The following FGF13 variants were observed in gnomAD, a reference collection of about 807,000 sequenced individuals.
FGF13 encodes fibroblast growth factor homologous factor 2.
FGF13 carries 2 observed loss-of-function variants against 19.5 expected under a neutral mutation model. The ratio of observed to expected loss-of-function variants is 0.10; its 90% CI spans 0.04 to 0.32. FGF13 has a LOEUF of 0.32. Among genes scored for constraint, FGF13 ranks in the 10% least tolerant of loss-of-function variants. FGF13 has a pLI of 1.00. For synonymous variants in FGF13, 72 were observed against 76.9 expected, an observed-to-expected ratio of 0.94 and a Z score of 0.33; for missense variants, 113 against 192.7, an observed-to-expected ratio of 0.59 and a Z score of 2.45.
chrX:139,075,802 G>A (rs773738312), intron 1 of FGF13, among the ~76,000 whole-genome samples: 22 of 104,219 alleles, frequency 2.1e-4, no homozygotes, highest in South Asian at 1.4e-3. Context: ...ATAGCAAATT[G>A]TGTGTATGTG....
At chrX:139,126,590 G>C (rs1234153358) in intron 1 of FGF13, among the ~76,000 whole-genome samples, 2 of 111,419 alleles carry the variant, frequency 1.8e-5, no homozygotes, top group Admixed American at 1.9e-4. Context: ...TGGCTGGCCT[G>C]TATTTTTAAT....
chrX:138,719,633 A>G (rs186744484), intron 1 of FGF13, among the ~76,000 whole-genome samples: 2 of 112,161 alleles, frequency 1.8e-5, no homozygotes, highest in Admixed American at 1.9e-4. Flanking sequence ...TTTTTGTGCC[A>G]TCTGTTTTTA....
At chrX:138,799,745 T>C (rs897240282) in intron 3 of FGF13, among the ~76,000 whole-genome samples, 5 of 111,537 alleles carry the variant, frequency 4.5e-5, no homozygotes, top group African/African-American at 1.6e-4. Flanking sequence ...GGTGTGTATA[T>C]ATGCATATAT....
intron 2 of FGF13, among the ~76,000 whole-genome samples, chrX:138,860,948 C>G (rs991719218): frequency 8.9e-6 from 1 of 112,600 alleles, no homozygotes; most frequent in Non-Finnish European, 1.9e-5. Context: ...CACAAGTGCA[C>G]ATGTGCAAAT....
At chrX:139,122,516 T>A (rs2083684671) in intron 1 of FGF13, among the ~76,000 whole-genome samples, 1 of 111,859 alleles carries the variant, frequency 8.9e-6, no homozygotes, top group South Asian at 3.8e-4. Context: ...CTCATCTTAT[T>A]CAACCTTTCT....
intron 1 of FGF13, among the ~76,000 whole-genome samples, chrX:138,952,102 A>G (rs1231789704): frequency 9.0e-6 from 1 of 111,564 alleles, no homozygotes; most frequent in Non-Finnish European, 1.9e-5. Flanking sequence ...GGAACCAAAA[A>G]AGAGCCCGCA....
chrX:138,921,223 A>C (rs2091643164), intron 1 of FGF13, among the ~76,000 whole-genome samples: 1 of 111,479 alleles, frequency 9.0e-6, no homozygotes, highest in Admixed American at 9.6e-5. Flanking sequence ...CATTTTTTTC[A>C]CAAAAGTTCC....
intron 1 of FGF13, among the ~76,000 whole-genome samples, chrX:138,901,704 G>C (rs750379670): frequency 9.0e-6 from 1 of 111,574 alleles, no homozygotes; most frequent in Non-Finnish European, 1.9e-5. Flanking sequence ...TGGGGACTGA[G>C]ATATCTCCAT....
intron 4 of FGF13, among the ~76,000 whole-genome samples, chrX:138,635,110 G>A (rs1047376372): frequency 8.9e-6 from 1 of 112,173 alleles, no homozygotes; most frequent in Admixed American, 9.5e-5. Flanking sequence ...GGATGGAGCT[G>A]GACGCCATTA....
In FGF13 at chrX:139,082,397, G is replaced by A. The variant is rs2083376597; in HGVS notation, c.-113+121019C>T. On this transcript the variant is annotated intron_variant, in intron 1 of 2. Coordinates refer to the FGF13 transcript ENST00000421460. ...CCCTCCACCCAAACTTCATGTCCAC[G>A]TAGAACATCAGAATGTGATCTTATT... 1.8e-5 allele frequency among the ~76,000 whole-genome samples: 2 copies of A among 111,569 alleles called. 1 individual carries two copies. Among genetic ancestry groups the A allele is most frequent in the Non-Finnish European group, 3.8e-5 (2 of 53,148 alleles).
intron 1 of FGF13, among the ~76,000 whole-genome samples, chrX:138,963,228 G>A (rs926983068): frequency 8.8e-6 from 1 of 113,137 alleles, no homozygotes; most frequent in East Asian, 2.8e-4. Context: ...CTCCTGGCAA[G>A]ACCCTCTGAC....
chrX:138,769,801 G>A (rs938728467), intron 3 of FGF13, among the ~76,000 whole-genome samples: 8 of 112,281 alleles, frequency 7.1e-5, no homozygotes, highest in African/African-American at 2.3e-4. Context: ...CCTTGTGTCC[G>A]GCCTCTCATG....
intron 3 of FGF13, among the ~76,000 whole-genome samples, chrX:138,686,802 A>G (rs1433416470): frequency 2.7e-5 from 3 of 112,165 alleles, no homozygotes; most frequent in Non-Finnish European, 5.6e-5. Flanking sequence ...GAATGTGTAT[A>G]TATAAAGCCT....
At chrX:139,097,179 T>C (rs1390684573) in intron 1 of FGF13, among the ~76,000 whole-genome samples, 2 of 112,438 alleles carry the variant, frequency 1.8e-5, no homozygotes. Context: ...TTAAAAGTTC[T>C]ATGAATGTAA....
intron 1 of FGF13, among the ~76,000 whole-genome samples, chrX:138,943,924 G>A (rs1203813765): frequency 9.0e-6 from 1 of 111,597 alleles, no homozygotes; most frequent in Non-Finnish European, 1.9e-5. Context: ...GGAAAGCAAA[G>A]GAGGCTGGGT....
intron 2 of FGF13, among the ~76,000 whole-genome samples, chrX:138,707,297 T>C (rs1276428994): frequency 9.0e-6 from 1 of 111,126 alleles, no homozygotes; most frequent in Non-Finnish European, 1.9e-5. Context: ...AGGAAACACA[T>C]GTGAACACCA....
intron 3 of FGF13, among the ~76,000 whole-genome samples, chrX:138,786,787 T>C (rs1384994546): frequency 8.9e-6 from 1 of 112,271 alleles, no homozygotes; most frequent in Non-Finnish European, 1.9e-5. Context: ...ACATAACCTT[T>C]CTGTGCCTTC....
At chrX:138,828,514 G>C (rs1444273960) in intron 3 of FGF13, among the ~76,000 whole-genome samples, 2 of 105,268 alleles carry the variant, frequency 1.9e-5, no homozygotes, top group Non-Finnish European at 3.9e-5. Flanking sequence ...AGCTTGCAGT[G>C]AGCCGAGATC....
At chrX:138,724,546 G>A (rs1043030931) in intron 1 of FGF13, among the ~76,000 whole-genome samples, 3 of 111,705 alleles carry the variant, frequency 2.7e-5, no homozygotes. Context: ...TTCAAGGCTG[G>A]GGTTAGTCAA....
Sources: gnomAD v4.1 joint callset for allele counts (sites outside exome capture counted in the v4.1 genomes callset) on GRCh38, gnomAD v4.1.1 for gene constraint, MANE v1.5 for transcripts, NCBI Gene and HGNC (gene_info 2026-07-23, HGNC 2026-07-21) for gene names.